Variants in TMEM255B observed in about 807,000 individuals in gnomAD.
TMEM255B encodes family with sequence similarity 70, member B.
Under a neutral mutation model 34.5 loss-of-function variants are expected in TMEM255B, and 35 were observed. The ratio of observed to expected loss-of-function variants is 1.01; its 90% CI spans 0.77 to 1.34. The LOEUF is 1.34. TMEM255B is among the 40% of genes most tolerant of loss of function. The pLI is 0.00. For missense variants in TMEM255B, 432 were observed against 433.2 expected (o/e 1.00, Z 0.02); for synonymous variants, 206 against 201.2 (o/e 1.02, Z -0.20).
intron 2 of TMEM255B, 102 bp downstream of exon 2, chr13:113,766,359 G>T: frequency 6.5e-7 from 1 of 1,549,888 alleles, no homozygotes; most frequent in South Asian, 1.1e-5. Context: ...GGCTGAAGGT[G>T]GGGAGGCTTC....
intron 5 of TMEM255B, chr13:113,800,095 TGGGGGGGGGTAGGCAGGAGGCGTCCC>T (rs2051017080): frequency 3.1e-6 from 3 of 952,458 alleles, no homozygotes; most frequent in Admixed American, 5.4e-5. Context: ...TGTGTGTGTG[TGGGGGGGGGTAGGCAGGAGGCGTCCC>T]GTGTGTGTTT....
At chr13:113,786,649 CGTT>C (rs2050750696) in intron 3 of TMEM255B, among the ~76,000 whole-genome samples, 1 of 54,282 alleles carries the variant, frequency 1.8e-5, no homozygotes, top group South Asian at 9.9e-4. Flanking sequence ...TCATCACTGT[CGTT>C]ACCCTCATCA....
chr13:113,791,684 T>C (rs747443491), intron 3 of TMEM255B, among the ~76,000 whole-genome samples: 10 of 152,280 alleles, frequency 6.6e-5, no homozygotes, highest in Non-Finnish European at 1.2e-4. Flanking sequence ...GATGTCACAG[T>C]TGTGCGGATT....
intron 1 of TMEM255B, among the ~76,000 whole-genome samples, chr13:113,763,684 C>T (rs1223913729): frequency 6.6e-6 from 1 of 152,198 alleles, no homozygotes; most frequent in African/African-American, 2.4e-5. Flanking sequence ...TTCCCTTTTG[C>T]ATTTTTCAGT....
intron 4 of TMEM255B, among the ~76,000 whole-genome samples, chr13:113,797,244 A>G (rs902069125): frequency 2.5e-4 from 38 of 152,244 alleles, no homozygotes; most frequent in African/African-American, 8.2e-4. Context: ...GGGGCCTCCC[A>G]GGGCTGACTT....
In TMEM255B at chr13:113,795,235, A is replaced by G. The variant is rs200640924; in HGVS notation, c.340A>G (p.Ile114Val). The change falls in exon 4 of 9, where the codon ATT (isoleucine) becomes GTT (valine). Residue 114 changes from isoleucine to valine, a missense_variant and splice_region_variant. Coordinates refer to ENST00000375353, the MANE Select transcript of TMEM255B (RefSeq NM_182614.4). ...GGACGGCGTATTTGCAGCACAGCAC[A>G]TTGTGAGTACATTGTCATTGTGTGC... ...IVDGVFAAQHIEPRPLTTGRC... is the reference protein window; with the variant it reads ...IVDGVFAAQHVEPRPLTTGRC... 1.7e-4 allele frequency: 276 copies of G among 1,613,458 alleles called. 4 individuals carry two copies. The highest frequency in any genetic ancestry group is 1.5e-3 in the Middle Eastern group (9 of 6,060).
At chr13:113,778,785 G>T (rs1211911648) in intron 3 of TMEM255B, among the ~76,000 whole-genome samples, 1 of 152,190 alleles carries the variant, frequency 6.6e-6, no homozygotes, top group African/African-American at 2.4e-5. Context: ...CCTGACATTA[G>T]GTTTTTGTTG....
chr13:113,780,328 C>A (rs1311325786), intron 3 of TMEM255B, among the ~76,000 whole-genome samples: 1 of 152,138 alleles, frequency 6.6e-6, no homozygotes, highest in Non-Finnish European at 1.5e-5. Flanking sequence ...TGTCCTGTTA[C>A]AAAAGAAAAC....
At chr13:113,768,835 T>A in intron 2 of TMEM255B, 1 of 564,486 alleles carries the variant, frequency 1.8e-6, no homozygotes, top group East Asian at 4.2e-5. Context: ...GGAACTTCTC[T>A]TACCCCAGAG....
At chr13:113,803,612 C>T (rs114208790) in intron 7 of TMEM255B, among the ~76,000 whole-genome samples, 1,550 of 151,744 alleles carry the variant, frequency 0.01, 137 homozygotes, top group African/African-American at 0.036. Flanking sequence ...GGCCTCCCCA[C>T]CCCTCTACCT....
At chr13:113,779,116 G>T (rs918426666) in intron 3 of TMEM255B, among the ~76,000 whole-genome samples, 21 of 152,176 alleles carry the variant, frequency 1.4e-4, no homozygotes, top group African/African-American at 5.1e-4. Context: ...GGTCAGAGGG[G>T]AGTTTATCTT....
chr13:113,761,300 G>C, intron 1 of TMEM255B: 1 of 985,224 alleles, frequency 1.0e-6, no homozygotes, highest in Non-Finnish European at 1.2e-6. Flanking sequence ...GAGGAAATGG[G>C]TCTGAGGGGC....
At chr13:113,804,342 C>T (rs956373587) in intron 7 of TMEM255B, among the ~76,000 whole-genome samples, 4 of 152,190 alleles carry the variant, frequency 2.6e-5, no homozygotes, top group Non-Finnish European at 4.4e-5. Flanking sequence ...CTTGGGGAAG[C>T]GAGAGCCATC....
rs1378698853 is a variant in TMEM255B at position 113,811,610 on chromosome 13, G to A, written c.814-126G>A. 8.4e-5 allele frequency: 88 copies of A among 1,045,314 alleles called. No homozygotes were observed. In the Admixed American group the frequency reaches 1.1e-3, roughly 13 times the overall value. 64.8% of individuals were successfully genotyped at this position (1,045,314 alleles called of 1,614,324 possible). ...CCCATGTGAATGGCCCTGAGTCTGC[G>A]GGTGGCCCTGGGTTGGCGGGGTGGG... is the stretch of plus-strand genomic sequence containing the variant. On this transcript the variant is annotated intron_variant, in intron 8 of 8. Transcript: ENST00000375353.
chr13:113,807,223 C>T (rs2051189577), intron 8 of TMEM255B, among the ~76,000 whole-genome samples: 1 of 152,174 alleles, frequency 6.6e-6, no homozygotes, highest in Admixed American at 6.5e-5. Context: ...GGTGTGTCCT[C>T]CCTGCCTGTG....
intron 8 of TMEM255B, among the ~76,000 whole-genome samples, chr13:113,807,801 T>C (rs7996384): frequency 1.6e-4 from 18 of 111,942 alleles, no homozygotes; most frequent in Admixed American, 5.0e-4. Flanking sequence ...CGGTCCTCCC[T>C]ATCACAGGAG....
intron 3 of TMEM255B, among the ~76,000 whole-genome samples, chr13:113,777,766 C>T (rs1232802639): frequency 6.6e-6 from 1 of 152,220 alleles, no homozygotes; most frequent in Admixed American, 6.5e-5. Context: ...GGCGGCGCTT[C>T]CTGCCACTGC....
At position 113,765,743 on chromosome 13, in the gene TMEM255B, G is replaced by A. The variant is rs550648328; in HGVS notation, c.47-372G>A. ...GGATAGAGAGGGTGTGTCTGTGAGC[G>A]AATGGTAATGATAAAACAGTAAACA... is the stretch of plus-strand genomic sequence containing the variant. On this transcript the variant is annotated intron_variant, in intron 1 of 8. Transcript: ENST00000375353. Among the ~76,000 whole-genome samples the A allele has an allele frequency of 6.6e-5, 10 of 152,304 alleles. 1 individual carries two copies. In the Middle Eastern group the frequency reaches 0.014, roughly 207 times the overall value.
intron 6 of TMEM255B, 29 bp from the exon 7 acceptor site, chr13:113,801,624 G>A (rs765640830): frequency 2.2e-5 from 35 of 1,563,590 alleles, no homozygotes; most frequent in African/African-American, 8.1e-5. Context: ...TGCCTCGTGC[G>A]GTGACGCCAT....
Sources: allele counts gnomAD v4.1 joint callset (sites outside exome capture counted in the v4.1 genomes callset), GRCh38; gene constraint gnomAD v4.1.1; transcripts MANE v1.5; gene names NCBI Gene and HGNC (gene_info 2026-07-23, HGNC 2026-07-21).